Variants in CPAP observed in about 807,000 individuals in gnomAD.
CPAP encodes the protein centrosomal P4.1-associated protein.
At chr13:24,922,243 G>C in the CPAP span, among the ~76,000 whole-genome samples, 14 of 152,194 alleles carry the variant, frequency 9.2e-5, no homozygotes, top group Non-Finnish European at 1.8e-4. Flanking sequence ...AGGGAGGAGA[G>C]TGGATACAAA....
the CPAP span, among the ~76,000 whole-genome samples, chr13:24,895,519 T>G: frequency 6.6e-6 from 1 of 151,626 alleles, no homozygotes; most frequent in South Asian, 2.1e-4. Flanking sequence ...GGCCGGCCAC[T>G]GCACTCCAGC....
chr13:24,891,315 T>A, the CPAP span, among the ~76,000 whole-genome samples: 1 of 152,012 alleles, frequency 6.6e-6, no homozygotes, highest in Non-Finnish European at 1.5e-5. Flanking sequence ...CCCTGCCCAG[T>A]GCTGTATCAC....
At chr13:24,924,035 G>A in the CPAP span, among the ~76,000 whole-genome samples, 118 of 152,076 alleles carry the variant, frequency 7.8e-4, 1 homozygote, top group African/African-American at 2.8e-3. Context: ...GGGTTTCACC[G>A]TGTTAGCCAG....
chr13:24,897,436 C>CA, the CPAP span, among the ~76,000 whole-genome samples: 4 of 152,278 alleles, frequency 2.6e-5, no homozygotes, highest in South Asian at 8.3e-4. Context: ...TATATGCCTG[C>CA]TACACAGCAG....
At chr13:24,921,313 G>T in the CPAP span, among the ~76,000 whole-genome samples, 1 of 151,476 alleles carries the variant, frequency 6.6e-6, no homozygotes, top group South Asian at 2.1e-4. Flanking sequence ...CTCGAAGAGC[G>T]ACAGATATAA....
the CPAP span, chr13:24,899,318 T>C: frequency 1.2e-6 from 1 of 832,518 alleles, no homozygotes; most frequent in Non-Finnish European, 2.0e-6. Context: ...AATAATGGAT[T>C]GATACACAGT....
At chr13:24,932,429 T>TC in the CPAP span, among the ~76,000 whole-genome samples, 1 of 152,286 alleles carries the variant, frequency 6.6e-6, no homozygotes, top group Non-Finnish European at 1.5e-5. Flanking sequence ...CCAGCTGAGA[T>TC]CACACCACTG....
chr13:24,905,785 CCTTTT>C, the CPAP span: 8 of 1,614,122 alleles, frequency 5.0e-6, no homozygotes, highest in South Asian at 1.1e-5. Context: ...CAACATCTCT[CCTTTT>C]ATCTTCTTGG....
At chr13:24,910,176 C>A in the CPAP span, 2 of 1,139,260 alleles carry the variant, frequency 1.8e-6, no homozygotes, top group South Asian at 2.5e-5. Flanking sequence ...ACAAAGACTT[C>A]TCCACAGTGA....
At chr13:24,901,999 A>G in the CPAP span, among the ~76,000 whole-genome samples, 1 of 152,154 alleles carries the variant, frequency 6.6e-6, no homozygotes, top group Non-Finnish European at 1.5e-5. Context: ...TCAAAAAAAT[A>G]AAAATAAAAT....
chr13:24,914,068 T>A, the CPAP span, among the ~76,000 whole-genome samples: 1 of 152,052 alleles, frequency 6.6e-6, no homozygotes, highest in Non-Finnish European at 1.5e-5. Flanking sequence ...ACACACACAT[T>A]ATACAGTATG....
At chr13:24,889,176 G>C in the CPAP span, 2 of 699,378 alleles carry the variant, frequency 2.9e-6, no homozygotes, top group Admixed American at 2.2e-5. Flanking sequence ...TGATGCACAG[G>C]AGCTTCAATT....
chr13:24,916,172 G>A, the CPAP span, among the ~76,000 whole-genome samples: 5 of 152,198 alleles, frequency 3.3e-5, no homozygotes, highest in Non-Finnish European at 7.3e-5. Context: ...GTTTGTGCAG[G>A]CTGATGAGGA....
chr13:24,902,526 A>G, the CPAP span, among the ~76,000 whole-genome samples: 1 of 152,372 alleles, frequency 6.6e-6, no homozygotes, highest in South Asian at 2.1e-4. Flanking sequence ...TAGTATAGTA[A>G]CCGAATTTCC....
chr13:24,912,815 CT>C, the CPAP span: 1 of 1,614,198 alleles, frequency 6.2e-7, no homozygotes, highest in Non-Finnish European at 8.5e-7. Flanking sequence ...AGTGAATCTT[CT>C]TCATTTATAA....
At chr13:24,933,500 T>C in the CPAP span, 1 of 193,020 alleles carries the variant, frequency 5.2e-6, no homozygotes, top group Admixed American at 5.3e-5. Flanking sequence ...CTCACCAGTG[T>C]GTCAACGCTG....
chr13:24,900,305 T>C, the CPAP span, among the ~76,000 whole-genome samples: 21,704 of 151,612 alleles, frequency 0.14, 2,047 homozygotes, highest in Admixed American at 0.26. Flanking sequence ...TAAAACACAG[T>C]GAGCAAAGGA....
the CPAP span, chr13:24,913,095 T>C: frequency 1.9e-5 from 25 of 1,347,166 alleles, no homozygotes; most frequent in East Asian, 5.8e-4. Flanking sequence ...CCAACACCTG[T>C]AGACAAAAAT....
At chr13:24,913,176 T>G in the CPAP span, 4 of 647,396 alleles carry the variant, frequency 6.2e-6, no homozygotes, top group Admixed American at 8.3e-5. Flanking sequence ...CAACCCAGCA[T>G]AAAAATGTCC....
Sources: gnomAD v4.1 joint callset for allele counts (sites outside exome capture counted in the v4.1 genomes callset) on GRCh38, gnomAD v4.1.1 for gene constraint, MANE v1.5 for transcripts, NCBI Gene and HGNC (gene_info 2026-07-23, HGNC 2026-07-21) for gene names.